Variants in DACH2 observed in about 807,000 individuals in gnomAD.
The protein encoded by DACH2 is dachshund homolog 2.
DACH2 carries 17 observed loss-of-function variants against 35.8 expected under a neutral mutation model. The observed-to-expected ratio is 0.48, with a 90% CI of 0.33 to 0.71. DACH2 has a LOEUF of 0.71. DACH2 is among the 30% of genes least tolerant of loss of function. The probability of loss-of-function intolerance (pLI) is 0.02; values close to 1 mark genes in which losing one functional copy is unlikely to be tolerated. For synonymous variants in DACH2, 195 were observed against 177.3 expected (o/e 1.10, Z -0.79); for missense variants, 469 against 472.7 (o/e 0.99, Z 0.07).
At chrX:86,178,707 A>G (rs535744311) in intron 1 of DACH2, among the ~76,000 whole-genome samples, 2 of 111,038 alleles carry the variant, frequency 1.8e-5, no homozygotes, top group African/African-American at 6.5e-5. Context: ...TTTTTCATCT[A>G]AAAATGGGAA....
At chrX:86,203,886 A>T (rs1174872445) in intron 1 of DACH2, among the ~76,000 whole-genome samples, 1 of 111,530 alleles carries the variant, frequency 9.0e-6, no homozygotes, top group Non-Finnish European at 1.9e-5. Context: ...ACGGGATTGT[A>T]ATGGGATTGT....
intron 6 of DACH2, among the ~76,000 whole-genome samples, chrX:86,739,311 T>A (rs948297138): frequency 8.1e-5 from 9 of 111,506 alleles, no homozygotes; most frequent in African/African-American, 2.9e-4. Flanking sequence ...TGCCACAATT[T>A]GTGAGTTTTA....
At chrX:86,612,599 A>G (rs1289890806) in intron 3 of DACH2, among the ~76,000 whole-genome samples, 5 of 111,808 alleles carry the variant, frequency 4.5e-5, no homozygotes. Flanking sequence ...TGGCAGCACT[A>G]AACTCCCATA....
chrX:86,781,755 T>A (rs2042091376), intron 7 of DACH2, among the ~76,000 whole-genome samples: 2 of 111,541 alleles, frequency 1.8e-5, no homozygotes, highest in African/African-American at 6.5e-5. Context: ...CATGAAAGCT[T>A]TTCTTCTAAG....
chrX:86,303,044 G>A (rs1330216749), intron 1 of DACH2, among the ~76,000 whole-genome samples: 1 of 103,826 alleles, frequency 9.6e-6, no homozygotes, highest in Non-Finnish European at 2.0e-5. Flanking sequence ...CAGGTAAGTA[G>A]CTTGCCTCAA....
chrX:86,367,513 A>T (rs2035823369), intron 1 of DACH2, among the ~76,000 whole-genome samples: 1 of 111,734 alleles, frequency 8.9e-6, no homozygotes, highest in Non-Finnish European at 1.9e-5. Flanking sequence ...ATCTACCTAT[A>T]TTGTAGGCAG....
At chrX:86,660,896 C>A (rs1025119817) in intron 4 of DACH2, among the ~76,000 whole-genome samples, 4 of 110,871 alleles carry the variant, frequency 3.6e-5, no homozygotes, top group Non-Finnish European at 7.6e-5. Flanking sequence ...TTAAATATCT[C>A]CAACATTTAA....
At chrX:86,356,799 T>C (rs1040658707) in intron 1 of DACH2, among the ~76,000 whole-genome samples, 2 of 112,165 alleles carry the variant, frequency 1.8e-5, no homozygotes, top group East Asian at 5.5e-4. Flanking sequence ...TTTTACTTTC[T>C]TTTCTTGAAT....
At chrX:86,721,936 C>G (rs771337076) in intron 6 of DACH2, among the ~76,000 whole-genome samples, 3 of 111,025 alleles carry the variant, frequency 2.7e-5, no homozygotes, top group East Asian at 5.7e-4. Context: ...ATCATAAGAA[C>G]AGCATGGGGG....
chrX:86,763,393 T>C (rs1602915028), intron 7 of DACH2, among the ~76,000 whole-genome samples: 1 of 112,585 alleles, frequency 8.9e-6, no homozygotes. Flanking sequence ...ATTTCAATTA[T>C]ATAGAGTTCA....
intron 6 of DACH2, among the ~76,000 whole-genome samples, chrX:86,717,517 T>G: frequency 9.1e-6 from 1 of 109,695 alleles, no homozygotes; most frequent in Non-Finnish European, 1.9e-5. Context: ...GATAATGAGT[T>G]AGTCTATCCT....
At chrX:86,775,442 G>A (rs1335467392) in intron 7 of DACH2, among the ~76,000 whole-genome samples, 1 of 111,293 alleles carries the variant, frequency 9.0e-6, no homozygotes, top group Non-Finnish European at 1.9e-5. Context: ...TGTAAACTGC[G>A]CATGCGAGGG....
intron 4 of DACH2, among the ~76,000 whole-genome samples, chrX:86,687,998 A>G (rs1295771490): frequency 9.0e-6 from 1 of 110,963 alleles, no homozygotes; most frequent in Non-Finnish European, 1.9e-5. Flanking sequence ...CTATGTAACA[A>G]AGCTGCACGT....
At chrX:86,746,517 C>A (rs2041714107) in intron 7 of DACH2, among the ~76,000 whole-genome samples, 1 of 112,082 alleles carries the variant, frequency 8.9e-6, no homozygotes, top group Non-Finnish European at 1.9e-5. Context: ...TTTTGAGCAT[C>A]TTTTCCTGTG....
intron 1 of DACH2, among the ~76,000 whole-genome samples, chrX:86,301,204 A>G (rs1236710955): frequency 1.8e-5 from 2 of 111,811 alleles, no homozygotes; most frequent in African/African-American, 6.5e-5. Context: ...TGGGAGAGAA[A>G]AGTGATGGAA....
chrX:86,788,108 C>T (rs2042155568), intron 7 of DACH2, among the ~76,000 whole-genome samples: 1 of 110,929 alleles, frequency 9.0e-6, no homozygotes, highest in Admixed American at 9.7e-5. Flanking sequence ...GCCGCATGCG[C>T]AGTTTACTGA....
intron 2 of DACH2, among the ~76,000 whole-genome samples, chrX:86,479,787 AT>A (rs1330532779): frequency 8.9e-6 from 1 of 112,249 alleles, no homozygotes; most frequent in Non-Finnish European, 1.9e-5. Context: ...CAGTATGTCA[AT>A]TGTATTATTC....
chrX:86,741,049 C>A (rs968172590), intron 7 of DACH2, among the ~76,000 whole-genome samples: 2 of 111,612 alleles, frequency 1.8e-5, no homozygotes, highest in African/African-American at 6.5e-5. Context: ...GTACCCATTT[C>A]CTTTCAGGAA....
intron 4 of DACH2, among the ~76,000 whole-genome samples, chrX:86,653,876 A>T (rs2040508063): frequency 9.1e-6 from 1 of 109,740 alleles, no homozygotes; most frequent in Admixed American, 9.8e-5. Context: ...CATGTTGGCC[A>T]GCCTAGTCTC....
Sources: gnomAD v4.1 joint callset for allele counts (sites outside exome capture counted in the v4.1 genomes callset) on GRCh38, gnomAD v4.1.1 for gene constraint, MANE v1.5 for transcripts, NCBI Gene and HGNC (gene_info 2026-07-23, HGNC 2026-07-21) for gene names.